The following SCN10A variants were observed in gnomAD, a reference collection of about 807,000 sequenced individuals.
SCN10A encodes the protein sodium voltage-gated channel alpha subunit 10, also known as sodium channel protein type 10 subunit alpha.
SCN10A carries 162 observed loss-of-function variants against 170.7 expected under a neutral mutation model. The ratio of observed to expected loss-of-function variants is 0.95; its 90% CI spans 0.84 to 1.08. The LOEUF is 1.08. Among genes scored for constraint, SCN10A ranks in the 50% least tolerant of loss-of-function variants. The probability of loss-of-function intolerance (pLI) is 0.00; values close to 1 mark genes in which losing one functional copy is unlikely to be tolerated. For missense variants in SCN10A, 2,527 were observed against 2,436.9 expected (o/e 1.04, Z -0.78); for synonymous variants, 985 against 904.6 (o/e 1.09, Z -1.59).
intron 4 of SCN10A, among the ~76,000 whole-genome samples, chr3:38,772,866 A>G (rs982247831): frequency 3.9e-5 from 6 of 152,254 alleles, no homozygotes; most frequent in Non-Finnish European, 1.5e-5. Flanking sequence ...AAACAAAAAT[A>G]TGATAGCAAA....
intron 13 of SCN10A, among the ~76,000 whole-genome samples, chr3:38,747,660 C>T (rs2063705643): frequency 1.3e-5 from 2 of 152,180 alleles, no homozygotes; most frequent in Admixed American, 6.5e-5. Context: ...AACTACTACC[C>T]TCTGTTGCCT....
In SCN10A at chr3:38,698,027, C is replaced by G; in HGVS notation, c.5193G>C (p.Glu1731Asp). 1 of 1,614,168 alleles carries G rather than the reference C, an allele frequency of 6.2e-7. No homozygotes were observed. The highest frequency in any genetic ancestry group is 1.1e-5 in the South Asian group (1 of 91,082). The change falls in exon 28 of 28, where the codon GAG (glutamate) becomes GAC (aspartate). Residue 1731 changes from glutamate (E) to aspartate (D), a missense_variant. Physicochemically the swap from Glu to Asp is conservative, Grantham distance 45. Transcript: ENST00000449082. ...ILENFNVATEESTEPLSEDDF... is the reference protein window; with the variant it reads ...ILENFNVATEDSTEPLSEDDF... ...CGTCCTCACTCAGGGGCTCAGTGCT[C>G]TCCTCCGTGGCCACATTGAAGTTCT... is the stretch of plus-strand genomic sequence containing the variant.
chr3:38,701,776 A>G, intron 27 of SCN10A, 63 bp downstream of exon 27: 1 of 1,483,388 alleles, frequency 6.7e-7, no homozygotes, highest in Non-Finnish European at 9.1e-7. Context: ...TTGGTTTTAG[A>G]AGAGCATCCC....
intron 15 of SCN10A, among the ~76,000 whole-genome samples, chr3:38,733,815 G>T (rs1244990668): frequency 6.6e-6 from 1 of 151,982 alleles, no homozygotes; most frequent in African/African-American, 2.4e-5. Context: ...CCGCCTCCCG[G>T]GTTCAAGCAA....
chr3:38,753,883 G>A (rs542041294), intron 11 of SCN10A, among the ~76,000 whole-genome samples: 7 of 152,256 alleles, frequency 4.6e-5, no homozygotes, highest in African/African-American at 1.7e-4. Context: ...CCTCTAACGA[G>A]ACCAACTGGT....
intron 4 of SCN10A, among the ~76,000 whole-genome samples, chr3:38,780,950 A>G (rs777368805): frequency 5.9e-5 from 9 of 152,072 alleles, no homozygotes; most frequent in Non-Finnish European, 1.2e-4. Context: ...ATCGAAGTTG[A>G]TCCTCTTACA....
intron 27 of SCN10A, among the ~76,000 whole-genome samples, chr3:38,699,541 T>G (rs898383059): frequency 6.6e-6 from 1 of 152,176 alleles, no homozygotes; most frequent in South Asian, 2.1e-4. Flanking sequence ...CCCTACTTGC[T>G]CTTTGTTGTT....
chr3:38,807,809 T>C lies in SCN10A; in HGVS notation c.-33+8228A>G, dbSNP rs192783691. 2.0e-5 allele frequency among the ~76,000 whole-genome samples: 3 copies of C among 152,240 alleles called. No individual in the cohort carries two copies. In the East Asian group the frequency reaches 5.8e-4, roughly 29 times the overall value. ...TTAAACAGCACCATCAAGCACGCAG[T>C]TGCTCACATCATAAACATGTAGACT... On this transcript the variant is annotated intron_variant, in intron 1 of 27. Coordinates refer to ENST00000449082, the MANE Select transcript of SCN10A (RefSeq NM_006514.4).
chr3:38,766,606 T>A (rs752577872), intron 5 of SCN10A, among the ~76,000 whole-genome samples: 1 of 152,188 alleles, frequency 6.6e-6, no homozygotes, highest in Non-Finnish European at 1.5e-5. Context: ...TGGTGTGTTA[T>A]CTTTTGGATA....
intron 21 of SCN10A, among the ~76,000 whole-genome samples, chr3:38,716,942 T>C (rs1011436972): frequency 1.3e-5 from 2 of 151,878 alleles, no homozygotes; most frequent in Non-Finnish European, 2.9e-5. Context: ...AAAGGAAGAA[T>C]AGATGGATAG....
chr3:38,755,943 C>G lies in SCN10A; in HGVS notation c.1306G>C (p.Gly436Arg), dbSNP rs1273852097. Residue 436 changes from glycine (G) to arginine (R), a missense_variant, in exon 11 of 28, where the codon GGG (glycine) becomes CGG (arginine). By Grantham distance (125) the Gly-to-Arg change is moderately radical. Transcript: ENST00000449082. ...GAGTGGAGAGAGGTTGTGTCAATCC[C>G]TAGTGCTGCTAGCACCTGCGAAGAG... ...RKEQEVLAAL[G>R]IDTTSLHSHN... The G allele has an allele frequency of 6.2e-7, 1 of 1,614,176 alleles. No homozygotes were observed. Among genetic ancestry groups the G allele is most frequent in the East Asian group, 2.2e-5 (1 of 44,880 alleles).
rs376077984 is a variant in SCN10A at position 38,755,962 on chromosome 3, C to G, written c.1291-4G>C. The G allele has an allele frequency of 1.2e-6, 2 of 1,614,086 alleles. No homozygotes were observed. The highest frequency in any genetic ancestry group is 8.5e-7 in the Non-Finnish European group (1 of 1,180,000). ...CAATCCCTAGTGCTGCTAGCACCTGCGAAGAGAGAACAGCAGGTGTAGCCA... is the reference window on the plus strand; with the variant it reads ...CAATCCCTAGTGCTGCTAGCACCTGGGAAGAGAGAACAGCAGGTGTAGCCA... On this transcript the variant is annotated splice_polypyrimidine_tract_variant and splice_region_variant and intron_variant, in intron 10 of 27. Transcript: ENST00000449082.
chr3:38,746,100 T>TATATATATATATATATATAG (rs71085336), intron 13 of SCN10A, among the ~76,000 whole-genome samples: 1 of 99,832 alleles, frequency 1.0e-5, no homozygotes, highest in Non-Finnish European at 2.0e-5. Flanking sequence ...TATATATATA[T>TATATATATATATATATATAG]GCCATCTTTG....
chr3:38,698,959 C>G (rs912222889), intron 27 of SCN10A, among the ~76,000 whole-genome samples: 1 of 152,140 alleles, frequency 6.6e-6, no homozygotes, highest in African/African-American at 2.4e-5. Context: ...GATACTGCAG[C>G]CTTTGGGTCA....
At chr3:38,718,863 T>G (rs1196119503) in intron 20 of SCN10A, 37 bp from the exon 21 acceptor site, 1 of 1,603,062 alleles carries the variant, frequency 6.2e-7, no homozygotes, top group East Asian at 2.2e-5. Flanking sequence ...GCAGGCTGCC[T>G]GGACCCACAG....
chr3:38,754,702 TG>T (rs2063784094), intron 11 of SCN10A, among the ~76,000 whole-genome samples: 1 of 152,136 alleles, frequency 6.6e-6, no homozygotes, highest in South Asian at 2.1e-4. Flanking sequence ...TGCTGAAGTG[TG>T]GATGTGTCAT....
intron 21 of SCN10A, among the ~76,000 whole-genome samples, chr3:38,718,147 G>A (rs1190309099): frequency 1.3e-5 from 2 of 152,218 alleles, no homozygotes; most frequent in African/African-American, 2.4e-5. Flanking sequence ...TAAAATACAG[G>A]TGCCTGGGCA....
At chr3:38,813,712 C>A (rs1559474554) in intron 1 of SCN10A, among the ~76,000 whole-genome samples, 1 of 152,112 alleles carries the variant, frequency 6.6e-6, no homozygotes, top group Non-Finnish European at 1.5e-5. Context: ...GAGAAAAGCA[C>A]AATATATAAA....
chr3:38,723,317 C>T (rs2125998181), intron 19 of SCN10A, 113 bp downstream of exon 19: 2 of 1,330,400 alleles, frequency 1.5e-6, no homozygotes, highest in South Asian at 2.6e-5. Flanking sequence ...GGGAGTGAGG[C>T]AGCAAGTGGG....
Sources: gnomAD v4.1 joint callset for allele counts (sites outside exome capture counted in the v4.1 genomes callset) on GRCh38, gnomAD v4.1.1 for gene constraint, MANE v1.5 for transcripts, NCBI Gene and HGNC (gene_info 2026-07-23, HGNC 2026-07-21) for gene names.